FBXO4: variants seen among roughly 807,000 people sequenced by gnomAD.
FBXO4 encodes F-box only protein 4.
In FBXO4, 36 loss-of-function variants were observed where a neutral mutation model predicts 43.7. The ratio of observed to expected loss-of-function variants is 0.82; its 90% CI spans 0.63 to 1.09. FBXO4 has a LOEUF of 1.09. Among genes scored for constraint, FBXO4 ranks in the 50% least tolerant of loss-of-function variants. The probability of loss-of-function intolerance (pLI) is 0.00; values close to 1 mark genes in which losing one functional copy is unlikely to be tolerated. For synonymous variants in FBXO4, 180 were observed against 165.6 expected (o/e 1.09, Z -0.67); for missense variants, 435 against 474.1 (o/e 0.92, Z 0.77).
At chr5:41,965,608 C>T in the FBXO4 span, among the ~76,000 whole-genome samples, 1 of 152,088 alleles carries the variant, frequency 6.6e-6, no homozygotes, top group Non-Finnish European at 1.5e-5. Context: ...AAATCAAAAC[C>T]ACAATGAGAT....
chr5:42,010,061 A>G, the FBXO4 span, among the ~76,000 whole-genome samples: 1 of 152,222 alleles, frequency 6.6e-6, no homozygotes, highest in African/African-American at 2.4e-5. Flanking sequence ...TTCACTTAGC[A>G]TAATGTCACT....
At chr5:42,016,955 TC>T in the FBXO4 span, among the ~76,000 whole-genome samples, 3 of 152,110 alleles carry the variant, frequency 2.0e-5, no homozygotes, top group African/African-American at 7.2e-5. Flanking sequence ...CCAAAAGTAT[TC>T]TAACTGTTAA....
At chr5:41,936,345 C>T (rs1302105860) in intron 5 of FBXO4, among the ~76,000 whole-genome samples, 1 of 152,062 alleles carries the variant, frequency 6.6e-6, no homozygotes, top group African/African-American at 2.4e-5. Flanking sequence ...CCAGCCTGGG[C>T]AACATGGCAA....
chr5:41,959,877 T>A, the FBXO4 span, among the ~76,000 whole-genome samples: 2 of 152,194 alleles, frequency 1.3e-5, no homozygotes, highest in African/African-American at 2.4e-5. Context: ...TTTAGGATTT[T>A]TTTTCTATTT....
At chr5:41,925,593 C>A in intron 1 of FBXO4, 95 bp downstream of exon 1, 1 of 992,352 alleles carries the variant, frequency 1.0e-6, no homozygotes, top group Non-Finnish European at 1.3e-6. Flanking sequence ...AACTCTCGCG[C>A]CCCGGCCTGG....
At chr5:42,026,167 T>C in the FBXO4 span, among the ~76,000 whole-genome samples, 1 of 151,862 alleles carries the variant, frequency 6.6e-6, no homozygotes, top group Non-Finnish European at 1.5e-5. Flanking sequence ...CTTTAATCCA[T>C]AATCATGGAA....
chr5:41,960,790 T>G, the FBXO4 span, among the ~76,000 whole-genome samples: 5 of 152,194 alleles, frequency 3.3e-5, no homozygotes, highest in Non-Finnish European at 7.3e-5. Flanking sequence ...AATTTTTTAT[T>G]TTGGTCTTTT....
chr5:42,025,202 T>A, the FBXO4 span, among the ~76,000 whole-genome samples: 1 of 151,968 alleles, frequency 6.6e-6, no homozygotes, highest in African/African-American at 2.4e-5. Context: ...TTTCTTCACA[T>A]CATTACCAAC....
At chr5:42,022,172 A>G in the FBXO4 span, among the ~76,000 whole-genome samples, 1 of 152,120 alleles carries the variant, frequency 6.6e-6, no homozygotes, top group Non-Finnish European at 1.5e-5. Context: ...CACTCTTCTG[A>G]CATGTCCTTC....
chr5:41,988,798 G>A, the FBXO4 span, among the ~76,000 whole-genome samples: 1 of 152,138 alleles, frequency 6.6e-6, no homozygotes, highest in East Asian at 1.9e-4. Flanking sequence ...TCAGGACAGA[G>A]TGATGACTTT....
At chr5:41,979,806 T>C in the FBXO4 span, among the ~76,000 whole-genome samples, 21,433 of 152,172 alleles carry the variant, frequency 0.14, 2,435 homozygotes, top group African/African-American at 0.31. Flanking sequence ...ACATGCTTCA[T>C]CCTTCTGCTA....
chr5:41,929,094 A>AT (rs895412628), intron 2 of FBXO4, among the ~76,000 whole-genome samples: 4 of 152,120 alleles, frequency 2.6e-5, no homozygotes, highest in African/African-American at 7.2e-5. Context: ...AGTGTTAGCA[A>AT]TTTTTTTGGT....
At chr5:41,949,820 C>A in the FBXO4 span, among the ~76,000 whole-genome samples, 136 of 152,248 alleles carry the variant, frequency 8.9e-4, no homozygotes, top group African/African-American at 3.2e-3. Flanking sequence ...AACTATACTA[C>A]AAGGCTACAG....
chr5:41,971,669 G>A, the FBXO4 span, among the ~76,000 whole-genome samples: 1 of 151,724 alleles, frequency 6.6e-6, no homozygotes, highest in Non-Finnish European at 1.5e-5. Flanking sequence ...TCTTAAAATA[G>A]GTAAAATGTT....
At chr5:41,982,158 AT>A in the FBXO4 span, among the ~76,000 whole-genome samples, 3 of 152,270 alleles carry the variant, frequency 2.0e-5, no homozygotes, top group African/African-American at 4.8e-5. Context: ...ATTGTTGGAC[AT>A]TTGGGTTGGT....
intron 4 of FBXO4, 55 bp from the exon 5 acceptor site, chr5:41,934,078 G>C (rs1330907822): frequency 8.1e-6 from 13 of 1,610,558 alleles, no homozygotes; most frequent in Non-Finnish European, 1.1e-5. Flanking sequence ...CATTTCAGGT[G>C]AGTGGAGCCT....
the FBXO4 span, among the ~76,000 whole-genome samples, chr5:41,989,248 A>T: frequency 6.6e-6 from 1 of 152,178 alleles, no homozygotes; most frequent in Admixed American, 6.5e-5. Context: ...AATGCTTATG[A>T]AAAAGTAGAT....
chr5:41,988,351 T>C, the FBXO4 span, among the ~76,000 whole-genome samples: 1 of 152,144 alleles, frequency 6.6e-6, no homozygotes, highest in Admixed American at 6.6e-5. Flanking sequence ...CAGATCTTTT[T>C]AGGAAGAAGG....
chr5:41,963,039 A>C, the FBXO4 span, among the ~76,000 whole-genome samples: 1 of 152,172 alleles, frequency 6.6e-6, no homozygotes, highest in South Asian at 2.1e-4. Context: ...ATTTTTTTCA[A>C]ACCATGACTT....
Sources: gnomAD v4.1 joint callset for allele counts (sites outside exome capture counted in the v4.1 genomes callset) on GRCh38, gnomAD v4.1.1 for gene constraint, MANE v1.5 for transcripts, NCBI Gene and HGNC (gene_info 2026-07-23, HGNC 2026-07-21) for gene names.